Variants in CLIC2 observed in about 807,000 individuals in gnomAD.
CLIC2 encodes the protein chloride intracellular channel protein 2.
Under a neutral mutation model 14.8 loss-of-function variants are expected in CLIC2, and 9 were observed. The observed-to-expected ratio is 0.61, with a 90% CI of 0.37 to 1.06. The LOEUF (loss-of-function observed/expected upper bound fraction) is 1.06, where lower values mean the gene tolerates loss of function less well. CLIC2 is among the 50% of genes least tolerant of loss of function. The pLI is 0.01. For synonymous variants in CLIC2, 61 were observed against 66.3 expected, an observed-to-expected ratio of 0.92 and a Z score of 0.39; for missense variants, 148 against 181.4, an observed-to-expected ratio of 0.82 and a Z score of 1.06.
chrX:155,317,680 A>C (rs986319340), intron 1 of CLIC2, among the ~76,000 whole-genome samples: 41 of 112,136 alleles, frequency 3.7e-4, no homozygotes, highest in Admixed American at 3.0e-3. Context: ...CCATTGGATA[A>C]AAAGGAAATT....
chrX:155,329,736 C>G (rs1300355628), intron 1 of CLIC2, among the ~76,000 whole-genome samples: 1 of 110,162 alleles, frequency 9.1e-6, no homozygotes, highest in African/African-American at 3.3e-5. Flanking sequence ...TCTCTGCACT[C>G]CCACATTCAT....
intron 1 of CLIC2, among the ~76,000 whole-genome samples, chrX:155,323,807 T>A (rs1359616059): frequency 3.6e-5 from 4 of 112,289 alleles, no homozygotes; most frequent in African/African-American, 1.3e-4. Context: ...CAAAAACTCC[T>A]TAAGCTGATA....
chrX:155,325,316 T>C (rs2075132136), intron 1 of CLIC2, among the ~76,000 whole-genome samples: 1 of 111,464 alleles, frequency 9.0e-6, no homozygotes, highest in African/African-American at 3.3e-5. Context: ...CACATATGTT[T>C]ACTGCAGCAC....
At chrX:155,302,152 T>C (rs1277820659) in intron 1 of CLIC2, among the ~76,000 whole-genome samples, 3 of 107,364 alleles carry the variant, frequency 2.8e-5, no homozygotes, top group Non-Finnish European at 5.8e-5. Flanking sequence ...TCAGAAGGAA[T>C]GGTACCAGTT....
chrX:155,284,696 C>G (rs1224104514), intron 3 of CLIC2, among the ~76,000 whole-genome samples: 1 of 112,013 alleles, frequency 8.9e-6, no homozygotes, highest in East Asian at 2.8e-4. Flanking sequence ...TGGGGAAGCT[C>G]TAGTGCAGGT....
At chrX:155,300,078 T>A (rs1450162130) in intron 1 of CLIC2, among the ~76,000 whole-genome samples, 2 of 108,961 alleles carry the variant, frequency 1.8e-5, no homozygotes, top group African/African-American at 6.7e-5. Flanking sequence ...TTATAGTTCT[T>A]TGGGTATATA....
chrX:155,297,614 C>T (rs1399644388), intron 3 of CLIC2, among the ~76,000 whole-genome samples: 26 of 99,947 alleles, frequency 2.6e-4, no homozygotes, highest in African/African-American at 8.4e-4. Flanking sequence ...AGGCCGAGGC[C>T]GGTGGATCAC....
In CLIC2 at chrX:155,277,766, A is replaced by AATACAGAG; in HGVS notation, c.*129_*136dup. 1.9e-6 allele frequency: 1 copy of AATACAGAG among 534,901 alleles called. No homozygotes were observed. Among genetic ancestry groups the AATACAGAG allele is most frequent in the Non-Finnish European group, 3.1e-6 (1 of 321,978 alleles). The allele number at this position is 534,901 out of a possible 1,213,427, so 44.1% of individuals were successfully genotyped here. On this transcript the variant is annotated 3_prime_UTR_variant, in exon 6 of 6. Coordinates refer to ENST00000369449, the MANE Select transcript of CLIC2 (RefSeq NM_001289.6). ...GACAGATTATTTATGGCTAATAGAAAATACAGAGTTCCTTTTCATAAGAGA... is the reference window on the plus strand; with the variant it reads ...GACAGATTATTTATGGCTAATAGAAAATACAGAGATACAGAGTTCCTTTTCATAAGAGA...
chrX:155,282,122 A>G (rs1557316568), intron 3 of CLIC2, among the ~76,000 whole-genome samples: 1 of 111,650 alleles, frequency 9.0e-6, no homozygotes, highest in Non-Finnish European at 1.9e-5. Context: ...AGGCCTGGAA[A>G]GCTCCTACCC....
chrX:155,281,710 C>G (rs1201514547), intron 3 of CLIC2, among the ~76,000 whole-genome samples: 1 of 111,388 alleles, frequency 9.0e-6, no homozygotes, highest in Non-Finnish European at 1.9e-5. Flanking sequence ...AGCCTCCTGA[C>G]TATTCTCCCT....
At chrX:155,309,126 A>T (rs1387277747) in intron 1 of CLIC2, among the ~76,000 whole-genome samples, 1 of 111,457 alleles carries the variant, frequency 9.0e-6, no homozygotes, top group South Asian at 3.8e-4. Context: ...AAGTAAAAAA[A>T]ACCCTCTGTC....
intron 1 of CLIC2, among the ~76,000 whole-genome samples, chrX:155,324,026 G>T (rs1399675740): frequency 1.8e-5 from 2 of 111,743 alleles, no homozygotes; most frequent in South Asian, 3.7e-4. Flanking sequence ...AATAAGAGAG[G>T]ACACAACAAA....
intron 1 of CLIC2, among the ~76,000 whole-genome samples, chrX:155,320,391 C>A (rs782324801): frequency 8.9e-6 from 1 of 112,184 alleles, no homozygotes; most frequent in Non-Finnish European, 1.9e-5. Flanking sequence ...TGTTCTGCAG[C>A]CTCTGCTGGT....
chrX:155,280,105 T>C, intron 3 of CLIC2, 37 bp from the exon 4 acceptor site: 1 of 969,317 alleles, frequency 1.0e-6, no homozygotes, highest in Non-Finnish European at 1.5e-6. Context: ...CATTTGCACA[T>C]AACATGACAG....
chrX:155,322,763 G>A (rs1280364686), intron 1 of CLIC2, among the ~76,000 whole-genome samples: 2 of 111,462 alleles, frequency 1.8e-5, no homozygotes, highest in South Asian at 7.5e-4. Flanking sequence ...AATAAATCCA[G>A]GAGCTGGTTC....
chrX:155,276,749 T>C lies in CLIC2; in HGVS notation c.*1154A>G. The C allele has an allele frequency of 8.9e-6, 1 of 112,463 alleles. No individual in the cohort carries two copies. The highest frequency in any genetic ancestry group is 1.9e-5 in the Non-Finnish European group (1 of 53,241). 9.3% of individuals were successfully genotyped at this position (112,463 alleles called of 1,213,427 possible). On this transcript the variant is annotated 3_prime_UTR_variant, in exon 6 of 6. Transcript: ENST00000369449. ...TTGCATGTATTCTGAAATATACTGATGACAGGATGTATCTCAAAGATTATC... is the reference window on the plus strand; with the variant it reads ...TTGCATGTATTCTGAAATATACTGACGACAGGATGTATCTCAAAGATTATC...
intron 1 of CLIC2, among the ~76,000 whole-genome samples, chrX:155,325,558 T>C (rs1194891633): frequency 9.4e-6 from 1 of 106,555 alleles, no homozygotes; most frequent in East Asian, 3.0e-4. Flanking sequence ...AGCTGAACAA[T>C]GAGAACACAT....
intron 3 of CLIC2, among the ~76,000 whole-genome samples, chrX:155,281,964 T>C (rs781790910): frequency 2.7e-5 from 3 of 110,733 alleles, no homozygotes; most frequent in African/African-American, 9.9e-5. Context: ...TACTCAGTAG[T>C]CTGCAGTCGT....
intron 1 of CLIC2, among the ~76,000 whole-genome samples, chrX:155,316,491 TTAAA>T (rs1409225981): frequency 9.1e-6 from 1 of 110,426 alleles, no homozygotes; most frequent in Non-Finnish European, 1.9e-5. Context: ...TACCTGAAAA[TTAAA>T]TAACCTCCTG....
Sources: allele counts gnomAD v4.1 joint callset (sites outside exome capture counted in the v4.1 genomes callset), GRCh38; gene constraint gnomAD v4.1.1; transcripts MANE v1.5; gene names NCBI Gene and HGNC (gene_info 2026-07-23, HGNC 2026-07-21).